SDK1: variants seen among roughly 807,000 people sequenced by gnomAD.
SDK1 encodes protein sidekick-1.
A neutral mutation model predicts 245.5 loss-of-function variants in SDK1; 157 were observed. The ratio of observed to expected loss-of-function variants is 0.64; its 90% CI spans 0.56 to 0.73. The LOEUF (loss-of-function observed/expected upper bound fraction) is 0.73, where lower values mean the gene tolerates loss of function less well. SDK1 is among the 30% of genes least tolerant of loss of function. The pLI, the probability that SDK1 is intolerant of heterozygous loss-of-function variation, is 0.00. For missense variants in SDK1, 3,583 were observed against 3,002.3 expected (o/e 1.19, Z -4.52); for synonymous variants, 1,647 against 1,278.5 (o/e 1.29, Z -6.15).
intron 2 of SDK1, among the ~76,000 whole-genome samples, chr7:3,624,718 A>T (rs146699430): frequency 3.1e-4 from 47 of 152,274 alleles, no homozygotes; most frequent in African/African-American, 1.1e-3. Context: ...ATGCCAGAGG[A>T]GCATTTTGAA....
chr7:3,512,811 T>G (rs1033420081), intron 1 of SDK1, among the ~76,000 whole-genome samples: 1 of 152,198 alleles, frequency 6.6e-6, no homozygotes, highest in African/African-American at 2.4e-5. Context: ...TTCCATCTGT[T>G]TTTTTTCCAT....
chr7:3,423,812 C>T (rs542525218), intron 1 of SDK1, among the ~76,000 whole-genome samples: 17 of 152,064 alleles, frequency 1.1e-4, no homozygotes, highest in Non-Finnish European at 2.1e-4. Context: ...ATTTTTCTAA[C>T]GTTGTGTTCT....
chr7:3,554,447 T>A (rs1779519712), intron 1 of SDK1, among the ~76,000 whole-genome samples: 1 of 152,192 alleles, frequency 6.6e-6, no homozygotes, highest in African/African-American at 2.4e-5. Flanking sequence ...AAAGCAGTTC[T>A]GAGAGTGAAA....
intron 1 of SDK1, among the ~76,000 whole-genome samples, chr7:3,366,233 T>C (rs1781087356): frequency 6.6e-6 from 1 of 152,216 alleles, no homozygotes; most frequent in African/African-American, 2.4e-5. Context: ...TTTTCATTCT[T>C]CCCAGTATCA....
At chr7:3,407,967 C>CAG (rs376713729) in intron 1 of SDK1, among the ~76,000 whole-genome samples, 56 of 151,436 alleles carry the variant, frequency 3.7e-4, no homozygotes, top group Non-Finnish European at 5.9e-4. Context: ...GGCTGGGAAG[C>CAG]AGAGAGAGAG....
At chr7:3,519,218 T>C (rs1782848957) in intron 1 of SDK1, among the ~76,000 whole-genome samples, 1 of 152,154 alleles carries the variant, frequency 6.6e-6, no homozygotes, top group Non-Finnish European at 1.5e-5. Flanking sequence ...AGTTCAAGTC[T>C]TCCATAGCAC....
intron 30 of SDK1, among the ~76,000 whole-genome samples, chr7:4,157,478 G>GAAGGA (rs1780832428): frequency 2.2e-5 from 3 of 136,010 alleles, no homozygotes; most frequent in African/African-American, 2.8e-5. Context: ...AGGAAGGAGG[G>GAAGGA]AAGGAAGGGA....
At chr7:3,485,313 G>C (rs1306062770) in intron 1 of SDK1, among the ~76,000 whole-genome samples, 3 of 152,116 alleles carry the variant, frequency 2.0e-5, no homozygotes, top group African/African-American at 7.2e-5. Context: ...TTTGAGAAAT[G>C]TCTCTTCAGA....
rs370735596 is a variant in SDK1, at chr7:4,017,213, C to G, written c.2463C>G (p.Asn821Lys). Reference protein sequence around the residue: ...AGLPGEYQQRNITSPEVNYCL... With the variant: ...AGLPGEYQQRKITSPEVNYCL... ...TTCCCGGAGAGTACCAGCAGCGGAA[C>G]ATCACCAGCCCGGAGGTGAACTACT... Residue 821 changes from asparagine (N) to lysine (K), a missense_variant, in exon 17 of 45, where the codon AAC becomes AAG. By Grantham distance (94) the Asn-to-Lys change is moderately conservative. Coordinates refer to ENST00000404826, the MANE Select transcript of SDK1 (RefSeq NM_152744.4). The G allele has an allele frequency of 1.9e-6, 3 of 1,613,746 alleles. No homozygotes were observed. In the African/African-American group the frequency reaches 4.0e-5, roughly 22 times the overall value.
chr7:4,220,567 T>G (rs1785093171), intron 39 of SDK1, among the ~76,000 whole-genome samples: 1 of 150,092 alleles, frequency 6.7e-6, no homozygotes, highest in African/African-American at 2.5e-5. Context: ...AATTTGGCAT[T>G]TGAAATAAAT....
chr7:3,804,532 A>G lies in SDK1; in HGVS notation c.714-16918A>G, dbSNP rs143988114. Among the ~76,000 whole-genome samples, 1,106 of 152,226 alleles carry G rather than the reference A, an allele frequency of 7.3e-3. 9 individuals are homozygous for G. The highest frequency in any genetic ancestry group is 0.012 in the Non-Finnish European group (814 of 68,022). ...TCCCACTTTTTGCTTCTTTTTCAAAATTGTTTTTGCTATTCTAATTCTTCT... is the reference window on the plus strand; with the variant it reads ...TCCCACTTTTTGCTTCTTTTTCAAAGTTGTTTTTGCTATTCTAATTCTTCT... On this transcript the variant is annotated intron_variant, in intron 4 of 44. Coordinates refer to ENST00000404826, the MANE Select transcript of SDK1 (RefSeq NM_152744.4).
At chr7:3,588,340 C>G (rs1025483233) in intron 1 of SDK1, among the ~76,000 whole-genome samples, 8 of 152,124 alleles carry the variant, frequency 5.3e-5, no homozygotes, top group African/African-American at 1.9e-4. Flanking sequence ...AGTTTGTTTA[C>G]AACAGTCTTT....
rs555566662 is a variant in SDK1, at chr7:3,688,468, A to G, written c.713+46363A>G. Among the ~76,000 whole-genome samples the G allele has an allele frequency of 2.6e-5, 4 of 152,384 alleles. No individual in the cohort carries two copies. The South Asian group carries it at 8.3e-4, about 32-fold the overall frequency. ...ACTGAAGGAGTGTTATAAAGAATAA[A>G]TGAGATAATTAACACAAAGCACTTC... On this transcript the variant is annotated intron_variant, in intron 4 of 44. Coordinates refer to ENST00000404826, the MANE Select transcript of SDK1 (RefSeq NM_152744.4).
intron 26 of SDK1, 105 bp downstream of exon 26, chr7:4,127,601 C>G (rs1784475968): frequency 6.3e-6 from 5 of 794,240 alleles, no homozygotes; most frequent in Admixed American, 2.1e-5. Context: ...TCCTACAGAT[C>G]TGCAGCGTCA....
At chr7:3,603,182 G>C (rs141688838) in intron 1 of SDK1, among the ~76,000 whole-genome samples, 4 of 130,116 alleles carry the variant, frequency 3.1e-5, no homozygotes, top group Non-Finnish European at 3.3e-5. Flanking sequence ...TTTGGTTCCA[G>C]ATGAACTTTA....
intron 5 of SDK1, among the ~76,000 whole-genome samples, chr7:3,870,585 CTTTTAA>C (rs1780932377): frequency 6.6e-6 from 1 of 151,928 alleles, no homozygotes; most frequent in East Asian, 1.9e-4. Context: ...AAAAAGTAAA[CTTTTAA>C]TTTTAAATAA....
intron 28 of SDK1, among the ~76,000 whole-genome samples, chr7:4,142,038 A>G (rs1779615150): frequency 3.9e-5 from 6 of 151,986 alleles, no homozygotes; most frequent in Admixed American, 3.9e-4. Context: ...CATAGGTGTG[A>G]GCCACTGCGC....
chr7:3,344,728 C>G (rs945193814), intron 1 of SDK1, among the ~76,000 whole-genome samples: 1 of 152,156 alleles, frequency 6.6e-6, no homozygotes, highest in Non-Finnish European at 1.5e-5. Flanking sequence ...TGGGCCTGAG[C>G]CCTGTCTAGT....
rs148985476 is a variant in SDK1 at position 4,246,525 on chromosome 7, A to T, written c.6381+720A>T. On this transcript the variant is annotated intron_variant, in intron 44 of 44. Coordinates refer to ENST00000404826, the MANE Select transcript of SDK1 (RefSeq NM_152744.4). ...TCCTGCAGGGCGGATAGAAAATGTGACCCCTTTACCAGATAGGAGCTTCCT... is the reference window on the plus strand; with the variant it reads ...TCCTGCAGGGCGGATAGAAAATGTGTCCCCTTTACCAGATAGGAGCTTCCT... Among the ~76,000 whole-genome samples the T allele has an allele frequency of 5.2e-3, 787 of 151,798 alleles. 6 individuals are homozygous for T. Among genetic ancestry groups the T allele is most frequent in the Non-Finnish European group, 7.9e-3 (539 of 67,956 alleles).
Sources: allele counts gnomAD v4.1 joint callset (sites outside exome capture counted in the v4.1 genomes callset), GRCh38; gene constraint gnomAD v4.1.1; transcripts MANE v1.5; gene names NCBI Gene and HGNC (gene_info 2026-07-23, HGNC 2026-07-21).